The following COL25A1 variants were observed in gnomAD, a reference collection of about 807,000 sequenced individuals.
The protein encoded by COL25A1 is collagen alpha-1(XXV) chain.
COL25A1 carries 103 observed loss-of-function variants against 128.4 expected under a neutral mutation model. That is an observed-to-expected ratio of 0.80 (90% CI 0.68 to 0.94). The LOEUF is 0.94. Ranked by LOEUF, COL25A1 falls within the 40% of genes least tolerant of loss-of-function variation. COL25A1 has a pLI of 0.00. For synonymous variants in COL25A1, 279 were observed against 277.2 expected, an observed-to-expected ratio of 1.01 and a Z score of -0.06; for missense variants, 745 against 840.0, an observed-to-expected ratio of 0.89 and a Z score of 1.40.
chr4:109,181,502 C>G (rs1297455720), intron 3 of COL25A1, among the ~76,000 whole-genome samples: 2 of 151,946 alleles, frequency 1.3e-5, no homozygotes, highest in Non-Finnish European at 2.9e-5. Flanking sequence ...AAAAATATTG[C>G]TGTGTATCTT....
rs1342323303 is a variant in COL25A1, at chr4:109,243,586, G to A, written c.367+56997C>T. Among the ~76,000 whole-genome samples, 3 of 152,020 alleles carry A rather than the reference G, an allele frequency of 2.0e-5. No homozygotes were observed. The East Asian group carries it at 5.8e-4, about 29-fold the overall frequency. ...TCCACCTGGTGAAGGGAAGACTGATGAGTGATTTAAAAACATTCTTAACAT... is the reference window on the plus strand; with the variant it reads ...TCCACCTGGTGAAGGGAAGACTGATAAGTGATTTAAAAACATTCTTAACAT... On this transcript the variant is annotated intron_variant, in intron 3 of 37. Transcript: ENST00000399132.
chr4:108,989,782 T>C (rs1190919147), intron 6 of COL25A1, among the ~76,000 whole-genome samples: 1 of 152,204 alleles, frequency 6.6e-6, no homozygotes, highest in Non-Finnish European at 1.5e-5. Flanking sequence ...ACTACTATCA[T>C]ATAGCATTCC....
chr4:109,001,371 A>ACAGGCATCTGAGATCCTGTCAGG (rs1561003414), intron 6 of COL25A1, among the ~76,000 whole-genome samples: 8 of 9,474 alleles, frequency 8.4e-4, no homozygotes, highest in Non-Finnish European at 4.5e-3. Flanking sequence ...GTTAAAAGAA[A>ACAGGCATCTGAGATCCTGTCAGG]CAGGCATCTG....
At chr4:108,999,866 A>T (rs1304667952) in intron 6 of COL25A1, among the ~76,000 whole-genome samples, 1 of 152,166 alleles carries the variant, frequency 6.6e-6, no homozygotes, top group Non-Finnish European at 1.5e-5. Flanking sequence ...TATCACAAGG[A>T]CAGAAAACCA....
chr4:108,897,978 AC>A (rs79626046), intron 15 of COL25A1, among the ~76,000 whole-genome samples: 8 of 106,176 alleles, frequency 7.5e-5, no homozygotes, highest in Non-Finnish European at 1.2e-4. Flanking sequence ...CCTAATTTCT[AC>A]ACAAAAGAGT....
At chr4:108,844,490 A>G in intron 30 of COL25A1, 29 bp downstream of exon 30, 1 of 1,614,056 alleles carries the variant, frequency 6.2e-7, no homozygotes, top group South Asian at 1.1e-5. Flanking sequence ...TAAATAAGCA[A>G]TTACATTTCA....
intron 5 of COL25A1, among the ~76,000 whole-genome samples, chr4:109,037,005 G>C (rs1759422119): frequency 6.6e-6 from 1 of 152,122 alleles, no homozygotes; most frequent in South Asian, 2.1e-4. Flanking sequence ...AAAAGACCAT[G>C]TCTGCAGTAC....
At chr4:109,214,713 A>C (rs1470776504) in intron 3 of COL25A1, among the ~76,000 whole-genome samples, 1 of 152,086 alleles carries the variant, frequency 6.6e-6, no homozygotes, top group Non-Finnish European at 1.5e-5. Context: ...GGAAGTCAGG[A>C]ACCATCTACC....
chr4:109,109,655 C>G (rs560685608), intron 3 of COL25A1, among the ~76,000 whole-genome samples: 1 of 152,200 alleles, frequency 6.6e-6, no homozygotes, highest in Non-Finnish European at 1.5e-5. Context: ...TCACCAGGTG[C>G]TCTGTGCCTG....
chr4:108,840,811 T>G (rs1734357026), intron 31 of COL25A1, among the ~76,000 whole-genome samples: 1 of 152,200 alleles, frequency 6.6e-6, no homozygotes, highest in African/African-American at 2.4e-5. Flanking sequence ...ACAGCTGTCT[T>G]CTGACATTTA....
At chr4:108,855,197 TTTTTTTA>T (rs1736343442) in intron 24 of COL25A1, among the ~76,000 whole-genome samples, 1 of 145,702 alleles carries the variant, frequency 6.9e-6, no homozygotes, top group South Asian at 2.2e-4. Context: ...TACTGTTTTT[TTTTTTTA>T]TTTTTTAAAT....
At chr4:109,225,872 A>C (rs1186326329) in intron 3 of COL25A1, among the ~76,000 whole-genome samples, 1 of 152,040 alleles carries the variant, frequency 6.6e-6, no homozygotes, top group Non-Finnish European at 1.5e-5. Context: ...ACAATAGTAT[A>C]CATATATATT....
chr4:109,243,412 G>A (rs763943452), intron 3 of COL25A1, among the ~76,000 whole-genome samples: 1 of 151,802 alleles, frequency 6.6e-6, no homozygotes. Flanking sequence ...GGACCAGATA[G>A]TTACTCTTTA....
chr4:109,122,318 G>A (rs1469891182), intron 3 of COL25A1, among the ~76,000 whole-genome samples: 1 of 152,018 alleles, frequency 6.6e-6, no homozygotes, highest in Non-Finnish European at 1.5e-5. Flanking sequence ...TGATTGTAAT[G>A]AAGGTACCAC....
At chr4:108,868,185 C>T (rs1237422901) in intron 20 of COL25A1, among the ~76,000 whole-genome samples, 1 of 152,130 alleles carries the variant, frequency 6.6e-6, no homozygotes, top group African/African-American at 2.4e-5. Context: ...CTCTACTTTT[C>T]CATATGGCCA....
chr4:108,814,538 T>C (rs1438011292), intron 37 of COL25A1, among the ~76,000 whole-genome samples: 1 of 149,204 alleles, frequency 6.7e-6, no homozygotes, highest in Admixed American at 6.6e-5. Flanking sequence ...AGATTTCTGG[T>C]TTCTCACCAG....
intron 8 of COL25A1, among the ~76,000 whole-genome samples, chr4:108,954,736 T>C (rs1749859313): frequency 6.6e-6 from 1 of 152,022 alleles, no homozygotes. Flanking sequence ...CATGAATTAA[T>C]TCAAAGTGTA....
intron 5 of COL25A1, among the ~76,000 whole-genome samples, 189 bp downstream of exon 5, chr4:109,047,979 G>A (rs113557076): frequency 0.066 from 9,978 of 151,914 alleles, 369 homozygotes; most frequent in African/African-American, 0.097. Context: ...TGATCCACCC[G>A]CCTCGGCCTC....
chr4:109,104,081 C>T (rs928236862), intron 3 of COL25A1, among the ~76,000 whole-genome samples: 1 of 152,036 alleles, frequency 6.6e-6, no homozygotes, highest in African/African-American at 2.4e-5. Context: ...ATTAGAAAAT[C>T]ACTCTTTTTA....
Sources: gnomAD v4.1 joint callset for allele counts (sites outside exome capture counted in the v4.1 genomes callset) on GRCh38, gnomAD v4.1.1 for gene constraint, MANE v1.5 for transcripts, NCBI Gene and HGNC (gene_info 2026-07-23, HGNC 2026-07-21) for gene names.